Variants in PRKCZ observed in about 807,000 individuals in gnomAD.
PRKCZ encodes the protein protein kinase C zeta, also known as protein kinase C zeta type.
A neutral mutation model predicts 79.5 loss-of-function variants in PRKCZ; 33 were observed. The ratio of observed to expected loss-of-function variants is 0.41; its 90% CI spans 0.31 to 0.55. The LOEUF is 0.55. PRKCZ is among the 20% of genes least tolerant of loss of function. The probability of loss-of-function intolerance (pLI) is 0.19; values close to 1 mark genes in which losing one functional copy is unlikely to be tolerated. For missense variants in PRKCZ, 578 were observed against 813.5 expected (o/e 0.71, Z 3.52); for synonymous variants, 342 against 320.9 (o/e 1.07, Z -0.70).
In PRKCZ at chr1:2,128,001, G is replaced by A. The variant is rs965151173; in HGVS notation, c.335-7261G>A. On this transcript the variant is annotated intron_variant, in intron 4 of 17. Transcript: ENST00000378567. The surrounding 1 kb of genome is among the most constrained non-coding windows in gnomAD (Gnocchi z 6.5). ...GGTGCTGGGGAAGCCTGGAGAGGAA[G>A]CCAGGTGGCCCCAGGCTCCTGGAGC... 1.3e-5 allele frequency among the ~76,000 whole-genome samples: 2 copies of A among 152,244 alleles called. No individual in the cohort carries two copies. Among genetic ancestry groups the A allele is most frequent in the South Asian group, 2.1e-4 (1 of 4,834 alleles).
rs1684890151 is a variant in PRKCZ at position 2,173,587 on chromosome 1, G to A, written c.1286-310G>A. ...CTTAGTTCTGTAGAAGCAGAAACGAGAGAGGAGGGTCGTCCGCAGGTTCCA... is the reference window on the plus strand; with the variant it reads ...CTTAGTTCTGTAGAAGCAGAAACGAAAGAGGAGGGTCGTCCGCAGGTTCCA... On this transcript the variant is annotated intron_variant, in intron 13 of 17. Transcript: ENST00000378567. This position sits in a 1 kb window ranked among gnomAD's most constrained non-coding sequence, Gnocchi z 5.7. Among the ~76,000 whole-genome samples, 1 of 152,266 alleles carries A rather than the reference G, an allele frequency of 6.6e-6. No individual in the cohort carries two copies. Among genetic ancestry groups the A allele is most frequent in the African/African-American group, 2.4e-5 (1 of 41,466 alleles).
rs371530887 is a variant in PRKCZ at position 2,067,509 on chromosome 1, A to C, written c.334+7918A>C. ...CTGGTCACGCCCCGGTCGAGTGGGG[A>C]TCCCCTGTGTGCATCTGTGGCGGCC... On this transcript the variant is annotated intron_variant, in intron 4 of 17. Coordinates refer to ENST00000378567, the MANE Select transcript of PRKCZ (RefSeq NM_002744.6). 7.2e-5 allele frequency among the ~76,000 whole-genome samples: 11 copies of C among 152,164 alleles called. No homozygotes were observed. In the East Asian group the frequency reaches 2.1e-3, roughly 29 times the overall value.
chr1:2,155,269 CGGT>C (rs1680739155), intron 9 of PRKCZ, among the ~76,000 whole-genome samples: 6 of 144,950 alleles, frequency 4.1e-5, no homozygotes, highest in South Asian at 4.4e-4. Flanking sequence ...TTGAGGATGA[CGGT>C]GGTGGTGATG....
At chr1:2,115,773 C>T (rs568056611) in intron 4 of PRKCZ, among the ~76,000 whole-genome samples, 2 of 152,210 alleles carry the variant, frequency 1.3e-5, no homozygotes, top group South Asian at 4.1e-4. Context: ...AGGAGCTGCA[C>T]GGGAGGCTGA....
intron 4 of PRKCZ, among the ~76,000 whole-genome samples, chr1:2,079,144 A>T (rs569939368): frequency 6.6e-6 from 1 of 152,288 alleles, no homozygotes; most frequent in African/African-American, 2.4e-5. Context: ...GCCCGGCCTG[A>T]AGGTGCCTTT....
chr1:2,167,520 G>A (rs1683574439), intron 10 of PRKCZ, among the ~76,000 whole-genome samples: 1 of 152,184 alleles, frequency 6.6e-6, no homozygotes, highest in Non-Finnish European at 1.5e-5. Context: ...CAGGTGGAAG[G>A]GACCAGCACC....
intron 3 of PRKCZ, among the ~76,000 whole-genome samples, chr1:2,057,365 C>T (rs1231665328): frequency 1.3e-5 from 2 of 152,198 alleles, no homozygotes; most frequent in Non-Finnish European, 2.9e-5. Flanking sequence ...GCGCTGTGGC[C>T]AGCCGGTCAC....
At chr1:2,112,731 C>G (rs1422038022) in intron 4 of PRKCZ, among the ~76,000 whole-genome samples, 1 of 151,672 alleles carries the variant, frequency 6.6e-6, no homozygotes, top group Non-Finnish European at 1.5e-5. Flanking sequence ...CTCTTGTCGC[C>G]CAGGCTGGAG....
chr1:2,064,307 C>T lies in PRKCZ; in HGVS notation c.334+4716C>T, dbSNP rs573018595. On this transcript the variant is annotated intron_variant, in intron 4 of 17. Transcript: ENST00000378567. Reference sequence around the variant, plus strand: ...TATGATTAGCAAATATCTTCTCCTGCTTTGTGGGTTGTTTTTTTACTTTGT... The same window carrying T: ...TATGATTAGCAAATATCTTCTCCTGTTTTGTGGGTTGTTTTTTTACTTTGT... Among the ~76,000 whole-genome samples the T allele has an allele frequency of 2.6e-5, 4 of 152,258 alleles. No homozygotes were observed. In the East Asian group the frequency reaches 7.7e-4, roughly 29 times the overall value.
chr1:2,155,655 A>G (rs1680869828), intron 9 of PRKCZ, among the ~76,000 whole-genome samples: 2 of 148,242 alleles, frequency 1.3e-5, no homozygotes, highest in South Asian at 2.2e-4. Context: ...TGACAGCAAC[A>G]ATGATGGTGG....
At chr1:2,164,830 G>A (rs1389824830) in intron 10 of PRKCZ, among the ~76,000 whole-genome samples, 4 of 152,220 alleles carry the variant, frequency 2.6e-5, no homozygotes, top group East Asian at 1.9e-4. Context: ...CCTGGCTTTC[G>A]TGATGTTGTG....
At chr1:2,106,310 A>G (rs113494220) in intron 4 of PRKCZ, among the ~76,000 whole-genome samples, 3,478 of 152,358 alleles carry the variant, frequency 0.023, 133 homozygotes, top group African/African-American at 0.077. Context: ...CCAAACTGAC[A>G]GAAGTAGAGA....
intron 4 of PRKCZ, among the ~76,000 whole-genome samples, chr1:2,104,305 C>T (rs1042405186): frequency 3.9e-5 from 6 of 152,088 alleles, no homozygotes; most frequent in African/African-American, 9.7e-5. Context: ...CTCTTGGTTG[C>T]GATTTCTTTG....
chr1:2,122,156 GGTGGTTAGGGTCGTGGTGGTTAGGGTT>G (rs1672350436), intron 4 of PRKCZ, among the ~76,000 whole-genome samples: 1 of 8,240 alleles, frequency 1.2e-4, no homozygotes, highest in African/African-American at 5.7e-4. Flanking sequence ...TTAGGGTCGT[GGTGGTTAGGGTCGTGGTGGTTAGGGTT>G]GTGGTGGTTA....
At chr1:2,126,131 C>T (rs1476123748) in intron 4 of PRKCZ, among the ~76,000 whole-genome samples, 1 of 152,180 alleles carries the variant, frequency 6.6e-6, no homozygotes, top group African/African-American at 2.4e-5. Context: ...AGTGTGTTCC[C>T]GTCACGTCTC....
chr1:2,126,246 T>C (rs1375283079), intron 4 of PRKCZ, among the ~76,000 whole-genome samples: 3 of 152,136 alleles, frequency 2.0e-5, no homozygotes, highest in African/African-American at 4.8e-5. Flanking sequence ...TTATAGACTT[T>C]TTAAATTTTC....
At chr1:2,055,636 T>C (rs1367034402) in intron 2 of PRKCZ, 74 bp downstream of exon 2, 4 of 1,537,092 alleles carry the variant, frequency 2.6e-6, no homozygotes, top group South Asian at 1.2e-5. Context: ...GTGTGCGGAG[T>C]GTGCTCAGCC....
At chr1:2,143,735 A>G (rs1415207981) in intron 5 of PRKCZ, 1 of 154,296 alleles carries the variant, frequency 6.5e-6, no homozygotes, top group Admixed American at 6.5e-5. Context: ...GCAGTTCAAG[A>G]TGTTCATGAG....
intron 4 of PRKCZ, among the ~76,000 whole-genome samples, chr1:2,102,392 G>T (rs1667591433): frequency 6.6e-6 from 1 of 151,928 alleles, no homozygotes. Context: ...GAGTGCAGTG[G>T]TGCAATCTTG....
Sources: gnomAD v4.1 joint callset for allele counts (sites outside exome capture counted in the v4.1 genomes callset) on GRCh38, gnomAD v4.1.1 for gene constraint, Gnocchi (gnomAD v3.1) non-coding constraint, MANE v1.5 for transcripts, NCBI Gene and HGNC (gene_info 2026-07-23, HGNC 2026-07-21) for gene names.